ATP11C: variants seen among roughly 807,000 people sequenced by gnomAD.
ATP11C encodes ATPase phospholipid transporting 11C (ATP11C blood group), also known as phospholipid-transporting ATPase IG.
Under a neutral mutation model 97.4 loss-of-function variants are expected in ATP11C, and 36 were observed. The observed-to-expected ratio is 0.37, with a 90% CI of 0.28 to 0.49. The LOEUF is 0.49. Among genes scored for constraint, ATP11C ranks in the 20% least tolerant of loss-of-function variants. The pLI is 0.98. For missense variants in ATP11C, 730 were observed against 824.6 expected (o/e 0.89, Z 1.40); for synonymous variants, 275 against 290.9 (o/e 0.95, Z 0.56).
At position 139,797,290 on chromosome X, in the gene ATP11C, G is replaced by A. The variant is rs763069170; in HGVS notation, c.894C>T (p.Ile298=). The change falls in exon 11 of 30, where the codon ATC becomes ATT. Residue 298 remains isoleucine, a synonymous_variant. Transcript: ENST00000682941. The part of the protein sequence containing the change: ...INAFLIVYLF[I]LLTKAAVCTT... ...TGCATACTGCAGCTTTGGTCAGTAAGATAAATAAATATACAATCAGGAAAG... is the reference window on the plus strand; with the variant it reads ...TGCATACTGCAGCTTTGGTCAGTAAAATAAATAAATATACAATCAGGAAAG... The A allele has an allele frequency of 5.1e-6, 6 of 1,178,597 alleles. No individual in the cohort carries two copies. The African/African-American group carries it at 1.1e-4, about 21-fold the overall frequency.
intron 26 of ATP11C, among the ~76,000 whole-genome samples, chrX:139,742,902 TATATATATATAA>T (rs1569426391): frequency 3.5e-5 from 2 of 56,456 alleles, no homozygotes; most frequent in Non-Finnish European, 7.4e-5. Flanking sequence ...TATATATATA[TATATATATATAA>T]AAATAGAGAC....
intron 20 of ATP11C, among the ~76,000 whole-genome samples, chrX:139,766,933 A>G (rs766236155): frequency 1.8e-5 from 2 of 111,380 alleles, no homozygotes; most frequent in Non-Finnish European, 3.8e-5. Context: ...GTGCCAGATG[A>G]GGAAATGATG....
At chrX:139,742,161 G>A (rs555047915) in intron 26 of ATP11C, among the ~76,000 whole-genome samples, 129 of 111,487 alleles carry the variant, frequency 1.2e-3, no homozygotes, top group South Asian at 3.8e-3. Flanking sequence ...AAAAAGGAGG[G>A]GGGAGGCGTC....
chrX:139,809,290 G>A (rs1345983535), intron 5 of ATP11C, among the ~76,000 whole-genome samples: 1 of 111,302 alleles, frequency 9.0e-6, no homozygotes, highest in Non-Finnish European at 1.9e-5. Context: ...ACATATAAAT[G>A]GATCAACAAA....
At chrX:139,902,265 ATG>A (rs1402037851) in intron 1 of ATP11C, among the ~76,000 whole-genome samples, 2 of 111,099 alleles carry the variant, frequency 1.8e-5, no homozygotes, top group Non-Finnish European at 1.9e-5. Context: ...TCTCCCTAAA[ATG>A]TGTAAAACCA....
chrX:139,791,272 C>CT (rs1378996412), intron 12 of ATP11C, among the ~76,000 whole-genome samples: 1 of 110,490 alleles, frequency 9.1e-6, no homozygotes, highest in East Asian at 2.8e-4. Flanking sequence ...TTCTTTGGGG[C>CT]TTTTTTCTGA....
At chrX:139,888,179 G>A (rs1255894264) in intron 1 of ATP11C, among the ~76,000 whole-genome samples, 1 of 107,328 alleles carries the variant, frequency 9.3e-6, no homozygotes, top group African/African-American at 3.4e-5. Context: ...TGTCACCCAG[G>A]CTGGAGTGCA....
chrX:139,896,616 A>G (rs946415459), intron 1 of ATP11C, among the ~76,000 whole-genome samples: 20 of 94,248 alleles, frequency 2.1e-4, no homozygotes, highest in African/African-American at 9.2e-4. Flanking sequence ...TTCTTGAGAA[A>G]GAGTCTCTCT....
intron 19 of ATP11C, among the ~76,000 whole-genome samples, chrX:139,769,184 A>C (rs1486131262): frequency 3.0e-5 from 3 of 101,093 alleles, no homozygotes; most frequent in Non-Finnish European, 6.0e-5. Flanking sequence ...TGGAATTCAA[A>C]TTAATTAGTC....
intron 1 of ATP11C, among the ~76,000 whole-genome samples, chrX:139,907,343 A>G (rs1218960060): frequency 2.7e-5 from 3 of 111,702 alleles, no homozygotes; most frequent in Admixed American, 1.9e-4. Flanking sequence ...ACCTTCCTAA[A>G]GAAGCTTCTC....
Position 139,737,998 on chromosome X carries a change from G to A in ATP11C, c.3206C>T (p.Ala1069Val). The A allele has an allele frequency of 1.7e-6, 2 of 1,204,470 alleles. No homozygotes were observed. Among genetic ancestry groups the A allele is most frequent in the Non-Finnish European group, 2.2e-6 (2 of 890,250 alleles). Residue 1069 changes from alanine to valine, a missense_variant, in exon 28 of 30, where the codon GCT becomes GTT. Ala to Val is a moderately conservative substitution (Grantham distance 64). Coordinates refer to ENST00000682941, the MANE Select transcript of ATP11C (RefSeq NM_001353812.2). ...GCTGATAAATATTAGAAGAATTATA[G>A]CCAACCATGTGGATACAGAAGACAG... The part of the protein sequence containing the change: ...QMLSSVSTWL[A>V]IILLIFISLF...
chrX:139,836,081 T>A (rs2083745327), intron 1 of ATP11C, among the ~76,000 whole-genome samples: 1 of 88,095 alleles, frequency 1.1e-5, no homozygotes, highest in African/African-American at 4.2e-5. Context: ...GGATGTTGCA[T>A]CACTTGCCAC....
intron 1 of ATP11C, among the ~76,000 whole-genome samples, chrX:139,928,970 A>G (rs988795223): frequency 2.7e-5 from 3 of 112,359 alleles, no homozygotes; most frequent in African/African-American, 9.7e-5. Flanking sequence ...TAGACTTTCA[A>G]TAAATCTTTA....
rs1331804734 is a variant in ATP11C, at chrX:139,751,463, T to C, written c.2701-1311A>G. On this transcript the variant is annotated intron_variant, in intron 23 of 29. Transcript: ENST00000682941. The stretch of plus-strand genomic sequence containing the variant: ...GAATTAAGAAGTACAAAAAAAAGTG[T>C]TGCATTCCTTTTTATTTTCAAAGGA... Among the ~76,000 whole-genome samples, 4 of 112,647 alleles carry C rather than the reference T, an allele frequency of 3.6e-5. No individual in the cohort carries two copies. In the East Asian group the frequency reaches 1.1e-3, roughly 32 times the overall value.
At chrX:139,920,494 G>T (rs2085241986) in intron 1 of ATP11C, among the ~76,000 whole-genome samples, 1 of 111,875 alleles carries the variant, frequency 8.9e-6, no homozygotes, top group African/African-American at 3.2e-5. Context: ...CCAGAGATAA[G>T]AAAGTAGATG....
At chrX:139,838,808 C>T (rs5953756) in intron 1 of ATP11C, among the ~76,000 whole-genome samples, 6,067 of 110,969 alleles carry the variant, frequency 0.055, 399 homozygotes, top group African/African-American at 0.19. Context: ...ATTATCCAGG[C>T]GTGGTGGCAG....
At chrX:139,936,313 A>G (rs1359995345), upstream of ATP11C, among the ~76,000 whole-genome samples, 1 of 111,467 alleles carries the variant, frequency 9.0e-6, no homozygotes, top group Non-Finnish European at 1.9e-5. Flanking sequence ...GGTTCTTTTT[A>G]GTGCCTCCTC....
chrX:139,899,198 G>C (rs1036593734), intron 1 of ATP11C, among the ~76,000 whole-genome samples: 2 of 111,146 alleles, frequency 1.8e-5, no homozygotes, highest in African/African-American at 6.5e-5. Flanking sequence ...ATGTAATGTG[G>C]GGCCGGATGC....
At position 139,768,394 on chromosome X, in the gene ATP11C, C is replaced by T; in HGVS notation, c.2257G>A (p.Gly753Ser). The change falls in exon 20 of 30, where the codon GGC (glycine) becomes AGC (serine). Residue 753 changes from glycine to serine, a missense_variant. Gly to Ser is a moderately conservative substitution (Grantham distance 56). Coordinates refer to ENST00000682941, the MANE Select transcript of ATP11C (RefSeq NM_001353812.2). ...EHQEYGLIID[G>S]STLSLILNSS... ...TTTAGTATGAGTGACAATGTGGAGC[C>T]ATCTATGATTAATCCATATTCCTGA... 1.7e-6 allele frequency: 2 copies of T among 1,153,560 alleles called. No individual in the cohort carries two copies. Among genetic ancestry groups the T allele is most frequent in the Non-Finnish European group, 2.3e-6 (2 of 863,226 alleles).
Sources: gnomAD v4.1 joint callset for allele counts (sites outside exome capture counted in the v4.1 genomes callset) on GRCh38, gnomAD v4.1.1 for gene constraint, MANE v1.5 for transcripts, NCBI Gene and HGNC (gene_info 2026-07-23, HGNC 2026-07-21) for gene names.